Variants in ANKRD12 observed in about 807,000 individuals in gnomAD.
ANKRD12 encodes ankyrin repeat domain-containing protein 12.
Under a neutral mutation model 183.4 loss-of-function variants are expected in ANKRD12, and 85 were observed. The ratio of observed to expected loss-of-function variants is 0.46; its 90% CI spans 0.39 to 0.56. ANKRD12 has a LOEUF of 0.56. Ranked by LOEUF, ANKRD12 falls within the 20% of genes least tolerant of loss-of-function variation. The probability of loss-of-function intolerance (pLI) is 0.00; values close to 1 mark genes in which losing one functional copy is unlikely to be tolerated. For synonymous variants in ANKRD12, 914 were observed against 800.2 expected (o/e 1.14, Z -2.40); for missense variants, 2,405 against 2,357.1 (o/e 1.02, Z -0.42).
chr18:9,175,523 CTTTTT>C (rs33944736), intron 1 of ANKRD12, among the ~76,000 whole-genome samples: 123 of 53,306 alleles, frequency 2.3e-3, no homozygotes, highest in Non-Finnish European at 2.4e-3. Context: ...AAAGGCTCCT[CTTTTT>C]TTTTTTTTTT....
intron 6 of ANKRD12, 112 bp from the exon 7 acceptor site, chr18:9,216,646 T>C: frequency 9.6e-7 from 1 of 1,045,114 alleles, no homozygotes; most frequent in East Asian, 2.5e-5. Context: ...TCCTTTTTTT[T>C]TGCACGATGT....
At chr18:9,157,583 G>GTATATATATATATATATATATA (rs1184683418) in intron 1 of ANKRD12, among the ~76,000 whole-genome samples, 1 of 100,592 alleles carries the variant, frequency 9.9e-6, no homozygotes, top group Admixed American at 1.1e-4. Context: ...GTGTGTGTGT[G>GTATATATATATATATATATATA]TGTATATATA....
At chr18:9,231,690 T>C (rs1340660521) in intron 8 of ANKRD12, among the ~76,000 whole-genome samples, 1 of 151,888 alleles carries the variant, frequency 6.6e-6, no homozygotes. Flanking sequence ...CCAGGCATGG[T>C]GGCAGGCGCC....
chr18:9,216,682 C>T, intron 6 of ANKRD12, 76 bp from the exon 7 acceptor site: 4 of 1,419,336 alleles, frequency 2.8e-6, no homozygotes, highest in Non-Finnish European at 3.8e-6. Flanking sequence ...ATATGTCACA[C>T]ATTGGTATGT....
rs376857388 is a variant in ANKRD12 at position 9,271,352 on chromosome 18, C to T, written c.5764-4172C>T. ...CATCCTGGCTAACATGGTGAAACCC[C>T]GTCTCTACTAAAAATACAAAAAATT... is the stretch of plus-strand genomic sequence containing the variant. On this transcript the variant is annotated intron_variant, in intron 10 of 12. Coordinates refer to ENST00000262126, the MANE Select transcript of ANKRD12 (RefSeq NM_015208.5). 2.4e-4 allele frequency among the ~76,000 whole-genome samples: 36 copies of T among 152,186 alleles called. 1 individual carries two copies. Among genetic ancestry groups the T allele is most frequent in the South Asian group, 4.1e-4 (2 of 4,824 alleles).
chr18:9,217,282 T>C (rs1228796104), intron 7 of ANKRD12, among the ~76,000 whole-genome samples: 1 of 152,228 alleles, frequency 6.6e-6, no homozygotes, highest in Non-Finnish European at 1.5e-5. Flanking sequence ...GGAGTAAAGA[T>C]AGATACAAGT....
Position 9,284,213 on chromosome 18 carries a change from A to G in ANKRD12, c.*3087A>G, listed in dbSNP as rs779112789. ...AACCTTCAATTTGTAAAAAACGCCAATATGTACAAAGCACAATAAAGCAAA... is the reference window on the plus strand; with the variant it reads ...AACCTTCAATTTGTAAAAAACGCCAGTATGTACAAAGCACAATAAAGCAAA... On this transcript the variant is annotated 3_prime_UTR_variant, in exon 13 of 13. Transcript: ENST00000262126. 3.3e-5 allele frequency: 5 copies of G among 152,252 alleles called. No individual in the cohort carries two copies. The highest frequency in any genetic ancestry group is 1.3e-4 in the Admixed American group (2 of 15,284). 9.4% of individuals were successfully genotyped at this position (152,252 alleles called of 1,614,324 possible). A position where few individuals can be genotyped will look rare whatever the true frequency, so the allele number is the denominator to read the frequency against.
At chr18:9,214,827 T>C (rs1005712442) in intron 6 of ANKRD12, among the ~76,000 whole-genome samples, 21 of 152,172 alleles carry the variant, frequency 1.4e-4, no homozygotes, top group Admixed American at 2.0e-4. Context: ...TTTGAAAACG[T>C]TGCACTTTTT....
intron 4 of ANKRD12, among the ~76,000 whole-genome samples, chr18:9,204,890 T>G (rs536477629): frequency 5.9e-5 from 9 of 152,364 alleles, no homozygotes; most frequent in African/African-American, 2.2e-4. Context: ...CCCAAGTGTT[T>G]CGTTGTATAC....
In ANKRD12 at chr18:9,254,614, A is replaced by G; in HGVS notation, c.1347A>G (p.Thr449=). 1 of 1,587,082 alleles carries G rather than the reference A, an allele frequency of 6.3e-7. No homozygotes were observed. Residue 449 remains threonine, a synonymous_variant, in exon 9 of 13, where the codon ACA becomes ACG. Coordinates refer to ENST00000262126, the MANE Select transcript of ANKRD12 (RefSeq NM_015208.5). The part of the protein sequence containing the change: ...ISTSCSVIPE[T]SNSDMQTKKE... Reference sequence around the variant, plus strand: ...CTTCATGTTCCGTCATCCCTGAAACATCAAATTCTGATATGCAAACCAAAA... The same window carrying G: ...CTTCATGTTCCGTCATCCCTGAAACGTCAAATTCTGATATGCAAACCAAAA...
At chr18:9,262,786 C>CTTT (rs775877613) in intron 9 of ANKRD12, among the ~76,000 whole-genome samples, 5,571 of 87,606 alleles carry the variant, frequency 0.064, 1,778 homozygotes, top group South Asian at 0.14. Context: ...CCAAGATGTC[C>CTTT]CTTTTTTTTT....
chr18:9,265,806 G>C (rs2039255083), intron 10 of ANKRD12, among the ~76,000 whole-genome samples: 2 of 152,176 alleles, frequency 1.3e-5, no homozygotes, highest in Admixed American at 1.3e-4. Context: ...GAAGGCTTCA[G>C]ATGATCAAAC....
intron 8 of ANKRD12, among the ~76,000 whole-genome samples, chr18:9,241,741 A>G (rs1320514167): frequency 6.6e-6 from 1 of 152,212 alleles, no homozygotes; most frequent in Non-Finnish European, 1.5e-5. Context: ...TGCTTTACAC[A>G]CAGATTTCTG....
chr18:9,158,619 C>G (rs908662948), intron 1 of ANKRD12, among the ~76,000 whole-genome samples: 1 of 152,202 alleles, frequency 6.6e-6, no homozygotes, highest in Non-Finnish European at 1.5e-5. Context: ...TGACTTAGCA[C>G]TATTAGCATT....
chr18:9,230,658 T>C (rs4603624), intron 8 of ANKRD12, among the ~76,000 whole-genome samples: 79,844 of 150,412 alleles, frequency 0.53, 23,188 homozygotes, highest in South Asian at 0.75. Context: ...CTTTCTTCTT[T>C]TTTTTTTTTT....
intron 5 of ANKRD12, among the ~76,000 whole-genome samples, chr18:9,209,787 A>T (rs972847724): frequency 3.3e-5 from 5 of 152,324 alleles, no homozygotes; most frequent in African/African-American, 1.2e-4. Flanking sequence ...GTCTGATTTA[A>T]TATTTTAAAT....
At chr18:9,209,038 A>G (rs573004185) in intron 5 of ANKRD12, among the ~76,000 whole-genome samples, 2 of 152,316 alleles carry the variant, frequency 1.3e-5, no homozygotes, top group South Asian at 4.1e-4. Context: ...TGTGTAATCC[A>G]TGTTTTATTA....
intron 2 of ANKRD12, among the ~76,000 whole-genome samples, chr18:9,194,735 G>A (rs1055455927): frequency 3.3e-5 from 5 of 152,116 alleles, no homozygotes; most frequent in East Asian, 1.9e-4. Context: ...ATTCATTGGC[G>A]CTACATCTAG....
chr18:9,211,532 G>T (rs1024039539), intron 5 of ANKRD12, 52 bp from the exon 6 acceptor site: 6 of 1,478,520 alleles, frequency 4.1e-6, no homozygotes, highest in African/African-American at 1.4e-5. Flanking sequence ...ATTTAAATAA[G>T]TATACAGAAT....
Sources: allele counts gnomAD v4.1 joint callset (sites outside exome capture counted in the v4.1 genomes callset), GRCh38; gene constraint gnomAD v4.1.1; transcripts MANE v1.5; gene names NCBI Gene and HGNC (gene_info 2026-07-23, HGNC 2026-07-21).